LRP1B: variants seen among roughly 807,000 people sequenced by gnomAD.
LRP1B encodes the protein LDL receptor related protein 1B, also known as low-density lipoprotein receptor-related protein 1B.
LRP1B carries 217 observed loss-of-function variants against 556.6 expected under a neutral mutation model. The observed-to-expected ratio is 0.39, with a 90% confidence interval of 0.35 to 0.44. LRP1B has a LOEUF of 0.44. LRP1B is among the 20% of genes least tolerant of loss of function. The pLI is 1.00. For synonymous variants in LRP1B, 2,047 were observed against 1,865.8 expected (o/e 1.10, Z -2.50); for missense variants, 5,053 against 5,620.8 (o/e 0.90, Z 3.23).
At chr2:140,856,763 A>ACG (rs1482769320) in intron 27 of LRP1B, among the ~76,000 whole-genome samples, 158 of 130,408 alleles carry the variant, frequency 1.2e-3, no homozygotes, top group African/African-American at 4.4e-3. Flanking sequence ...ACACACACAC[A>ACG]CACACACACA....
At chr2:141,520,249 GA>G (rs1684482017) in intron 2 of LRP1B, among the ~76,000 whole-genome samples, 1 of 152,134 alleles carries the variant, frequency 6.6e-6, no homozygotes, top group Non-Finnish European at 1.5e-5. Flanking sequence ...TGATTTCAAA[GA>G]AAGAGAAATA....
intron 1 of LRP1B, among the ~76,000 whole-genome samples, chr2:141,915,134 C>A (rs1035936776): frequency 1.3e-5 from 2 of 152,226 alleles, no homozygotes; most frequent in Admixed American, 6.5e-5. Flanking sequence ...ACAGCATGGA[C>A]TGGTACAAAA....
chr2:140,870,835 C>G (rs116135534), intron 25 of LRP1B, among the ~76,000 whole-genome samples: 1,609 of 151,992 alleles, frequency 0.011, 21 homozygotes, highest in African/African-American at 0.032. Context: ...TTCAATTAAT[C>G]CACTTCCTTT....
intron 41 of LRP1B, among the ~76,000 whole-genome samples, chr2:140,672,997 C>T (rs1685541618): frequency 6.6e-6 from 1 of 152,234 alleles, no homozygotes; most frequent in South Asian, 2.1e-4. Flanking sequence ...AAAAAGTTGT[C>T]CAACCATTCA....
chr2:141,138,822 T>G (rs1701556073), intron 7 of LRP1B, among the ~76,000 whole-genome samples: 1 of 151,894 alleles, frequency 6.6e-6, no homozygotes, highest in Admixed American at 6.6e-5. Flanking sequence ...TGAAATATCC[T>G]CTAAAGTCGG....
At chr2:142,116,577 A>G (rs1707283944) in intron 1 of LRP1B, among the ~76,000 whole-genome samples, 1 of 152,090 alleles carries the variant, frequency 6.6e-6, no homozygotes, top group Non-Finnish European at 1.5e-5. Context: ...TATGAATAAA[A>G]TCTATACCCT....
intron 37 of LRP1B, among the ~76,000 whole-genome samples, chr2:140,706,247 T>A (rs138552193): frequency 6.6e-6 from 1 of 152,136 alleles, no homozygotes; most frequent in South Asian, 2.1e-4. Flanking sequence ...TGAACCTATT[T>A]GAGTTCAAAT....
rs1413905744 is a variant in LRP1B, at chr2:140,946,628, AAAC to A, written c.3136+3604_3136+3606del. 4.6e-5 allele frequency among the ~76,000 whole-genome samples: 7 copies of A among 152,030 alleles called. No homozygotes were observed. The East Asian group carries it at 9.7e-4, about 21-fold the overall frequency. ...ACAAGAACAACAACAACAACAACAAAAACAACAACAACAGAACTATCATTTGAC... is the reference window on the plus strand; with the variant it reads ...ACAAGAACAACAACAACAACAACAAAAACAACAACAGAACTATCATTTGAC... On this transcript the variant is annotated intron_variant, in intron 20 of 90. Transcript: ENST00000389484.
chr2:141,753,458 G>C (rs1037197471), intron 2 of LRP1B, among the ~76,000 whole-genome samples: 1 of 151,380 alleles, frequency 6.6e-6, no homozygotes, highest in Non-Finnish European at 1.5e-5. Flanking sequence ...TGCTCACGCT[G>C]TCCACTCCCG....
intron 1 of LRP1B, among the ~76,000 whole-genome samples, chr2:141,874,084 ATTTTTTTTTTTTTTTT>A (rs200281267): frequency 2.6e-4 from 27 of 103,138 alleles, no homozygotes; most frequent in East Asian, 1.6e-3. Context: ...TGAACTAACA[ATTTTTTTTTTTTTTTT>A]TTTTTTTTTT....
chr2:140,352,180 GTTTTTCTTT>G, intron 76 of LRP1B, among the ~76,000 whole-genome samples: 1 of 151,928 alleles, frequency 6.6e-6, no homozygotes, highest in East Asian at 1.9e-4. Context: ...TTGTTTGTTT[GTTTTTCTTT>G]TTTTGAGATG....
chr2:141,093,247 C>A (rs1263513520), intron 7 of LRP1B, among the ~76,000 whole-genome samples: 1 of 151,982 alleles, frequency 6.6e-6, no homozygotes, highest in Non-Finnish European at 1.5e-5. Context: ...CTCAAGGTAA[C>A]AGGAATGAAA....
At chr2:140,240,246 GA>G (rs1470202582) in intron 87 of LRP1B, among the ~76,000 whole-genome samples, 1 of 150,870 alleles carries the variant, frequency 6.6e-6, no homozygotes, top group Admixed American at 6.6e-5. Flanking sequence ...CATATTTTAG[GA>G]GTTTGGCTTA....
At chr2:141,693,940 G>A (rs1691637163) in intron 2 of LRP1B, among the ~76,000 whole-genome samples, 1 of 152,044 alleles carries the variant, frequency 6.6e-6, no homozygotes, top group Admixed American at 6.6e-5. Flanking sequence ...GAATTGAGAA[G>A]TTTGTCTAGG....
chr2:141,368,589 T>C (rs930213088), intron 3 of LRP1B, among the ~76,000 whole-genome samples: 1 of 152,230 alleles, frequency 6.6e-6, no homozygotes, highest in East Asian at 1.9e-4. Flanking sequence ...TGTCAATGCA[T>C]AATGGATACC....
chr2:141,205,403 A>G (rs1482453645), intron 6 of LRP1B, among the ~76,000 whole-genome samples: 1 of 152,222 alleles, frequency 6.6e-6, no homozygotes, highest in Admixed American at 6.5e-5. Context: ...ATAGATAACA[A>G]TGAGAGTCCC....
chr2:141,036,110 G>A (rs550799473), intron 11 of LRP1B, among the ~76,000 whole-genome samples: 1 of 152,066 alleles, frequency 6.6e-6, no homozygotes, highest in East Asian at 1.9e-4. Context: ...AAAAGCTTAG[G>A]TCTCAAGACA....
chr2:141,202,624 GATGGT>G (rs1682084410), intron 6 of LRP1B, among the ~76,000 whole-genome samples: 1 of 152,032 alleles, frequency 6.6e-6, no homozygotes, highest in Non-Finnish European at 1.5e-5. Flanking sequence ...ACTGATGTGA[GATGGT>G]ATCTTATTGG....
At chr2:140,560,991 C>T (rs983468388) in intron 43 of LRP1B, among the ~76,000 whole-genome samples, 14 of 152,052 alleles carry the variant, frequency 9.2e-5, no homozygotes, top group African/African-American at 2.9e-4. Flanking sequence ...AACAATACCC[C>T]GAAGTGAAGA....
Sources: allele counts gnomAD v4.1 joint callset (sites outside exome capture counted in the v4.1 genomes callset), GRCh38; gene constraint gnomAD v4.1.1; transcripts MANE v1.5; gene names NCBI Gene and HGNC (gene_info 2026-07-23, HGNC 2026-07-21).